OSBPL10: variants seen among roughly 807,000 people sequenced by gnomAD.
The protein encoded by OSBPL10 is oxysterol-binding protein-related protein 10.
OSBPL10 carries 49 observed loss-of-function variants against 81.7 expected under a neutral mutation model. That is an observed-to-expected ratio of 0.60 (90% confidence interval 0.48 to 0.76). The LOEUF (loss-of-function observed/expected upper bound fraction) is 0.76. Among genes scored for constraint, OSBPL10 ranks in the 30% least tolerant of loss-of-function variants. OSBPL10 has a pLI of 0.00. For synonymous variants in OSBPL10, 419 were observed against 383.6 expected (o/e 1.09, Z -1.08); for missense variants, 923 against 987.8 (o/e 0.93, Z 0.88).
At chr3:32,072,168 G>T (rs6797286) in intron 1 of OSBPL10, among the ~76,000 whole-genome samples, 99,285 of 151,986 alleles carry the variant, frequency 0.65, 35,324 homozygotes, top group East Asian at 0.88. Context: ...TGTTATATGG[G>T]CTGAAAGAGG....
chr3:31,728,562 TCAATGCAAAAG>T (rs1696878562), intron 6 of OSBPL10, among the ~76,000 whole-genome samples: 1 of 152,220 alleles, frequency 6.6e-6, no homozygotes, highest in Admixed American at 6.5e-5. Context: ...TACATACTAT[TCAATGCAAAAG>T]GAATGCAAAA....
At chr3:31,754,812 G>C (rs1007424259) in intron 4 of OSBPL10, among the ~76,000 whole-genome samples, 1 of 152,136 alleles carries the variant, frequency 6.6e-6, no homozygotes, top group Non-Finnish European at 1.5e-5. Context: ...CTCAGTTTCG[G>C]TGTCAGATAA....
At chr3:31,829,248 C>G (rs1489142140) in intron 4 of OSBPL10, among the ~76,000 whole-genome samples, 1 of 152,136 alleles carries the variant, frequency 6.6e-6, no homozygotes, top group African/African-American at 2.4e-5. Context: ...CCTCAGCACT[C>G]AAAGGAAGTA....
chr3:31,997,334 G>A (rs553001102), intron 2 of OSBPL10, among the ~76,000 whole-genome samples: 16 of 151,016 alleles, frequency 1.1e-4, no homozygotes, highest in Admixed American at 8.6e-4. Flanking sequence ...GTGCGATTTC[G>A]GCTCACTGCA....
chr3:31,688,283 T>TCTCTCA lies in OSBPL10; in HGVS notation c.1246-4170_1246-4169insTGAGAG, dbSNP rs1246299416. On this transcript the variant is annotated intron_variant, in intron 7 of 11. Transcript: ENST00000396556. Reference sequence around the variant, plus strand: ...CTGCACAAATCTCTCTCTCTCTCTCTCACACACACACACACACACACACAC... The same window carrying TCTCTCA: ...CTGCACAAATCTCTCTCTCTCTCTCTCTCTCACACACACACACACACACACACACAC... Among the ~76,000 whole-genome samples the TCTCTCA allele has an allele frequency of 1.7e-3, 198 of 115,480 alleles. No homozygotes were observed. The East Asian group carries it at 0.018, about 10-fold the overall frequency. 75.8% of individuals were successfully genotyped at this position (115,480 alleles called of 152,430 possible).
At chr3:31,961,316 A>AG (rs1215363234) in intron 1 of OSBPL10, among the ~76,000 whole-genome samples, 1 of 152,170 alleles carries the variant, frequency 6.6e-6, no homozygotes, top group Non-Finnish European at 1.5e-5. Context: ...TGCAGTGCCC[A>AG]GGAAGCCAGG....
At chr3:31,812,719 A>AT (rs1185614361) in intron 4 of OSBPL10, among the ~76,000 whole-genome samples, 2 of 18,932 alleles carry the variant, frequency 1.1e-4, no homozygotes, top group Non-Finnish European at 2.7e-4. Context: ...AGGCAAAAAA[A>AT]AAGAAAGAAA....
intron 4 of OSBPL10, among the ~76,000 whole-genome samples, chr3:31,766,591 A>C (rs1698208011): frequency 6.6e-6 from 1 of 151,830 alleles, no homozygotes; most frequent in Admixed American, 6.6e-5. Context: ...CTTCCTCCTC[A>C]GCCCCTCAAA....
intron 4 of OSBPL10, among the ~76,000 whole-genome samples, chr3:31,786,879 C>G (rs933859206): frequency 1.3e-5 from 2 of 152,152 alleles, no homozygotes; most frequent in Non-Finnish European, 2.9e-5. Context: ...ATGGGCCAGA[C>G]CAGCAGCAGC....
intron 4 of OSBPL10, among the ~76,000 whole-genome samples, chr3:31,807,374 A>AAAATAAATAAAT (rs536299438): frequency 0.045 from 6,248 of 137,358 alleles, 364 homozygotes; most frequent in African/African-American, 0.14. Flanking sequence ...CTGTCTCAGA[A>AAAATAAATAAAT]AAATAAATAA....
chr3:31,674,826 T>C (rs1178651896), intron 8 of OSBPL10, among the ~76,000 whole-genome samples: 1 of 152,168 alleles, frequency 6.6e-6, no homozygotes, highest in African/African-American at 2.4e-5. Flanking sequence ...TATTCCTTTA[T>C]AGCAACACAA....
In OSBPL10 at chr3:31,668,551, G is replaced by A. The variant is rs536943213; in HGVS notation, c.2096+91C>T. On this transcript the variant is annotated intron_variant, in intron 10 of 11. Transcript: ENST00000396556. The stretch of plus-strand genomic sequence containing the variant: ...CATGATTCCTGGCCTGTTTCCAGTC[G>A]CTAAGTTTCAAAGTCTTCTTTCTTC... 531 of 1,229,324 alleles carry A rather than the reference G, an allele frequency of 4.3e-4. 11 individuals carry two copies. The South Asian group carries it at 9.7e-3, about 22-fold the overall frequency. 76.2% of individuals were successfully genotyped at this position (1,229,324 alleles called of 1,614,324 possible).
At chr3:32,051,667 G>A (rs1270763962) in intron 1 of OSBPL10, among the ~76,000 whole-genome samples, 1 of 152,120 alleles carries the variant, frequency 6.6e-6, no homozygotes, top group Non-Finnish European at 1.5e-5. Flanking sequence ...CCTAGAAACT[G>A]CATGTTTTCC....
intron 3 of OSBPL10, among the ~76,000 whole-genome samples, chr3:31,862,499 C>CGAAAA (rs769495275): frequency 0.09 from 13,576 of 151,050 alleles, 1,410 homozygotes; most frequent in African/African-American, 0.25. Flanking sequence ...TTTTTATTTT[C>CGAAAA]TAAAAACAAA....
chr3:31,755,544 C>T (rs1434297695), intron 4 of OSBPL10, among the ~76,000 whole-genome samples: 1 of 152,210 alleles, frequency 6.6e-6, no homozygotes, highest in Non-Finnish European at 1.5e-5. Context: ...TTGAGGCTGA[C>T]CGTCACTAAG....
chr3:31,925,824 T>A (rs1282507551), intron 1 of OSBPL10, among the ~76,000 whole-genome samples: 1 of 151,946 alleles, frequency 6.6e-6, no homozygotes, highest in Non-Finnish European at 1.5e-5. Flanking sequence ...AAAAAAAAGA[T>A]AAAAATAAAA....
At chr3:31,697,455 TTAA>T (rs1696649003) in intron 7 of OSBPL10, among the ~76,000 whole-genome samples, 1 of 152,032 alleles carries the variant, frequency 6.6e-6, no homozygotes, top group African/African-American at 2.4e-5. Flanking sequence ...TAAATGGCAA[TTAA>T]TAATAAAACA....
chr3:31,953,081 A>G (rs945117102), intron 1 of OSBPL10, among the ~76,000 whole-genome samples: 2 of 151,500 alleles, frequency 1.3e-5, no homozygotes, highest in African/African-American at 4.8e-5. Context: ...ACAGGCGCCC[A>G]CCACCATGCC....
chr3:31,723,539 TACACACACAC>T (rs35189802), intron 6 of OSBPL10, among the ~76,000 whole-genome samples: 1 of 125,038 alleles, frequency 8.0e-6, no homozygotes, highest in African/African-American at 3.8e-5. Flanking sequence ...CTCTGTTTCT[TACACACACAC>T]ACACACACAC....
Sources: gnomAD v4.1 joint callset for allele counts (sites outside exome capture counted in the v4.1 genomes callset) on GRCh38, gnomAD v4.1.1 for gene constraint, MANE v1.5 for transcripts, NCBI Gene and HGNC (gene_info 2026-07-23, HGNC 2026-07-21) for gene names.